OXR1: variants seen among roughly 807,000 people sequenced by gnomAD.
OXR1 encodes the protein oxidation resistance protein 1.
OXR1 carries 41 observed loss-of-function variants against 104.6 expected under a neutral mutation model. That is an observed-to-expected ratio of 0.39 (90% CI 0.31 to 0.51). The LOEUF (loss-of-function observed/expected upper bound fraction) is 0.51, where lower values mean the gene tolerates loss of function less well. Among genes scored for constraint, OXR1 ranks in the 20% least tolerant of loss-of-function variants. The pLI is 0.77. For missense variants in OXR1, 955 were observed against 1,031.9 expected (o/e 0.93, Z 1.02); for synonymous variants, 348 against 348.4 (o/e 1.00, Z 0.01).
intron 3 of OXR1, among the ~76,000 whole-genome samples, chr8:106,659,766 G>A (rs187877335): frequency 6.6e-6 from 1 of 152,324 alleles, no homozygotes; most frequent in Admixed American, 6.5e-5. Context: ...AGGCTGGGGC[G>A]GGAAGATCCT....
intron 1 of OXR1, among the ~76,000 whole-genome samples, chr8:106,348,115 T>G (rs2130297367): frequency 6.6e-6 from 1 of 152,274 alleles, no homozygotes; most frequent in African/African-American, 2.4e-5. Context: ...TAATGATCAG[T>G]TTGTTCATTG....
At chr8:106,381,109 A>G (rs1266961567) in intron 2 of OXR1, among the ~76,000 whole-genome samples, 1 of 152,192 alleles carries the variant, frequency 6.6e-6, no homozygotes, top group Non-Finnish European at 1.5e-5. Flanking sequence ...GTTCTGAAGG[A>G]AAGAGAGTTT....
intron 2 of OXR1, among the ~76,000 whole-genome samples, chr8:106,438,331 T>A (rs558303321): frequency 6.6e-6 from 1 of 152,220 alleles, no homozygotes; most frequent in Admixed American, 6.5e-5. Context: ...AGTCACTAGT[T>A]TGTATTGACA....
At chr8:106,527,609 G>T (rs2130199083) in intron 3 of OXR1, among the ~76,000 whole-genome samples, 1 of 152,244 alleles carries the variant, frequency 6.6e-6, no homozygotes, top group African/African-American at 2.4e-5. Flanking sequence ...CTATTCATTT[G>T]CCAGGATTCA....
At chr8:106,483,322 A>G (rs912304118) in intron 2 of OXR1, among the ~76,000 whole-genome samples, 1 of 151,952 alleles carries the variant, frequency 6.6e-6, no homozygotes, top group Non-Finnish European at 1.5e-5. Flanking sequence ...CAGGGTGGAT[A>G]TGACCATTTA....
At chr8:106,667,934 C>T (rs996462172) in intron 3 of OXR1, among the ~76,000 whole-genome samples, 21 of 150,122 alleles carry the variant, frequency 1.4e-4, no homozygotes, top group African/African-American at 4.7e-4. Flanking sequence ...GAGGTTAATT[C>T]CTAAGGGGTG....
chr8:106,379,370 C>G (rs536625762), intron 2 of OXR1, among the ~76,000 whole-genome samples: 13 of 152,088 alleles, frequency 8.5e-5, no homozygotes, highest in African/African-American at 2.9e-4. Context: ...GTTTCAGCTG[C>G]TTTTTAAAGT....
chr8:106,523,461 A>G (rs966239725), intron 3 of OXR1, among the ~76,000 whole-genome samples: 2 of 152,200 alleles, frequency 1.3e-5, no homozygotes, highest in Non-Finnish European at 2.9e-5. Context: ...TATATCTCAG[A>G]TGAAATTTCT....
At chr8:106,303,127 T>G (rs1223729924) in intron 1 of OXR1, among the ~76,000 whole-genome samples, 1 of 152,024 alleles carries the variant, frequency 6.6e-6, no homozygotes, top group Non-Finnish European at 1.5e-5. Context: ...ATATTTCAGT[T>G]TTTCTATATA....
At chr8:106,681,967 A>T (rs924074427) in intron 4 of OXR1, among the ~76,000 whole-genome samples, 1 of 152,172 alleles carries the variant, frequency 6.6e-6, no homozygotes, top group African/African-American at 2.4e-5. Context: ...CTGTCTCTTA[A>T]CTATGTCAGT....
At chr8:106,588,670 A>G (rs1818841443) in intron 3 of OXR1, among the ~76,000 whole-genome samples, 1 of 151,032 alleles carries the variant, frequency 6.6e-6, no homozygotes, top group African/African-American at 2.4e-5. Flanking sequence ...TGTAGTAGAC[A>G]GGGTTTCACC....
chr8:106,658,003 C>T, intron 3 of OXR1: 1 of 1,248,464 alleles, frequency 8.0e-7, no homozygotes, highest in Non-Finnish European at 1.0e-6. Context: ...TACCTGACGA[C>T]GTTCACCGAG....
intron 11 of OXR1, among the ~76,000 whole-genome samples, chr8:106,732,086 G>T (rs950198680): frequency 1.3e-5 from 2 of 151,864 alleles, no homozygotes; most frequent in Non-Finnish European, 2.9e-5. Context: ...TTTTTTTCAC[G>T]TAGATCTCTA....
rs1284721550 is a variant in OXR1, at chr8:106,706,931, T to C, written c.1410T>C (p.Cys470=). ...AGAGTCAAAAAGAAAATATGCCTTG[T>C]GGGGAAACAGCAGAATTTAAACAAA... The part of the protein sequence containing the change: ...QEESQKENMP[C]GETAEFKQKQ... Residue 470 remains cysteine (C), a synonymous_variant, in exon 9 of 17, where the codon TGT becomes TGC. Coordinates refer to ENST00000517566, the MANE Select transcript of OXR1 (RefSeq NM_001198533.2). 1 of 1,612,470 alleles carries C rather than the reference T, an allele frequency of 6.2e-7. No individual in the cohort carries two copies. Among genetic ancestry groups the C allele is most frequent in the Admixed American group, 1.7e-5 (1 of 59,618 alleles).
At chr8:106,449,572 A>C (rs1263290553) in intron 2 of OXR1, among the ~76,000 whole-genome samples, 3 of 152,190 alleles carry the variant, frequency 2.0e-5, no homozygotes, top group Admixed American at 6.6e-5. Context: ...AGATAAGAAA[A>C]GAGTAAGCAA....
chr8:106,387,582 C>A (rs1470542418), intron 2 of OXR1, among the ~76,000 whole-genome samples: 1 of 152,042 alleles, frequency 6.6e-6, no homozygotes, highest in Non-Finnish European at 1.5e-5. Context: ...GAATACTTAC[C>A]TTTTAATGGA....
chr8:106,579,914 C>T (rs574377840), intron 3 of OXR1, among the ~76,000 whole-genome samples: 1 of 150,862 alleles, frequency 6.6e-6, no homozygotes, highest in South Asian at 2.1e-4. Context: ...CCTAGGCTCA[C>T]AGCAGAAGCA....
intron 15 of OXR1, among the ~76,000 whole-genome samples, chr8:106,744,200 A>G (rs1320931410): frequency 6.6e-6 from 1 of 152,232 alleles, no homozygotes; most frequent in Non-Finnish European, 1.5e-5. Flanking sequence ...GTACTCCTGA[A>G]CTTAAAAGTT....
At chr8:106,624,274 A>C (rs1218414790) in intron 3 of OXR1, among the ~76,000 whole-genome samples, 2 of 152,214 alleles carry the variant, frequency 1.3e-5, no homozygotes, top group African/African-American at 4.8e-5. Context: ...AAGGAAGTAA[A>C]GAAGGAGTAA....
Sources: gnomAD v4.1 joint callset for allele counts (sites outside exome capture counted in the v4.1 genomes callset) on GRCh38, gnomAD v4.1.1 for gene constraint, MANE v1.5 for transcripts, NCBI Gene and HGNC (gene_info 2026-07-23, HGNC 2026-07-21) for gene names.